The following RPS10 variants were observed in gnomAD, a reference collection of about 807,000 sequenced individuals.
RPS10 encodes ribosomal protein S10.
RPS10 carries 2 observed loss-of-function variants against 22.6 expected under a neutral mutation model. That is an observed-to-expected ratio of 0.09 (90% CI 0.04 to 0.28). The LOEUF (loss-of-function observed/expected upper bound fraction) is 0.28. Ranked by LOEUF, RPS10 falls within the 10% of genes least tolerant of loss-of-function variation. The pLI is 1.00. For synonymous variants in RPS10, 70 were observed against 75.9 expected (o/e 0.92, Z 0.40); for missense variants, 137 against 222.2 (o/e 0.62, Z 2.44).
At chr6:34,425,337 A>T (rs1765918996) in intron 1 of RPS10, 116 bp from the exon 2 acceptor site, 6 of 1,348,904 alleles carry the variant, frequency 4.4e-6, no homozygotes, top group Non-Finnish European at 6.1e-6. Flanking sequence ...TGCTGGTGGG[A>T]AGACTCAACT....
chr6:34,417,887 G>A, intron 5 of RPS10: 1 of 717,970 alleles, frequency 1.4e-6, no homozygotes, highest in Non-Finnish European at 2.6e-6. Context: ...GCAATCGTGT[G>A]CTATGAGGAC....
chr6:34,420,886 T>C (rs941843146), intron 4 of RPS10, among the ~76,000 whole-genome samples: 19 of 151,472 alleles, frequency 1.3e-4, no homozygotes, highest in Non-Finnish European at 2.2e-4. Context: ...CGGTCGCCTG[T>C]AGTCCCAGCT....
At chr6:34,424,599 G>C in intron 3 of RPS10, 70 bp downstream of exon 3, 1 of 1,592,298 alleles carries the variant, frequency 6.3e-7, no homozygotes, top group Non-Finnish European at 8.6e-7. Flanking sequence ...CATCAGCTAA[G>C]AATGCTTTTG....
At chr6:34,423,237 A>G (rs1025267938) in intron 3 of RPS10, among the ~76,000 whole-genome samples, 2 of 152,014 alleles carry the variant, frequency 1.3e-5, no homozygotes, top group African/African-American at 2.4e-5. Flanking sequence ...CATGGCCACA[A>G]TCACAGCTCA....
chr6:34,417,659 G>T, intron 5 of RPS10, 112 bp from the exon 6 acceptor site: 1 of 998,364 alleles, frequency 1.0e-6, no homozygotes, highest in Non-Finnish European at 1.6e-6. Context: ...AATGTAAACA[G>T]CTGGGAGAGA....
chr6:34,425,396 A>C, intron 1 of RPS10, 175 bp from the exon 2 acceptor site: 1 of 744,892 alleles, frequency 1.3e-6, no homozygotes, highest in Non-Finnish European at 2.3e-6. Context: ...CCCACCCCCA[A>C]ACACAATTCA....
At chr6:34,418,305 A>G (rs1233278561) in intron 5 of RPS10, 64 bp downstream of exon 5, 1 of 1,613,096 alleles carries the variant, frequency 6.2e-7, no homozygotes, top group South Asian at 1.1e-5. Flanking sequence ...CACAACTTGC[A>G]GAGCAACCAG....
At chr6:34,424,396 T>C in intron 3 of RPS10, 1 of 461,998 alleles carries the variant, frequency 2.2e-6, no homozygotes, top group Non-Finnish European at 4.0e-6. Context: ...GAAAAGTTAC[T>C]CAATATTCTA....
chr6:34,424,492 G>T, intron 3 of RPS10, 177 bp downstream of exon 3: 1 of 760,312 alleles, frequency 1.3e-6, no homozygotes, highest in South Asian at 1.7e-5. Context: ...TGGATGGCCT[G>T]AAGAACTGAG....
At position 34,425,080 on chromosome 6, in the gene RPS10, C is replaced by T. The variant is rs527970843; in HGVS notation, c.142G>A (p.Ala48Thr). 2 of 1,612,468 alleles carry T rather than the reference C, an allele frequency of 1.2e-6. No homozygotes were observed. Among genetic ancestry groups the T allele is most frequent in the South Asian group, 2.2e-5 (2 of 91,010 alleles). ...CCTCCTCACCCTCCTACCTGCATGGCCTTCATGACATGAAGGTTGGGCACA... is the reference window on the plus strand; with the variant it reads ...CCTCCTCACCCTCCTACCTGCATGGTCTTCATGACATGAAGGTTGGGCACA... ...KNVPNLHVMK[A>T]MQSLKSRGYV... Residue 48 changes from alanine (A) to threonine (T), a missense_variant, in exon 2 of 6, where the codon GCC becomes ACC. Coordinates refer to ENST00000648437, the MANE Select transcript of RPS10 (RefSeq NM_001014.5).
intron 1 of RPS10, chr6:34,425,497 G>C: frequency 2.4e-6 from 1 of 413,052 alleles, no homozygotes; most frequent in Admixed American, 3.5e-5. Flanking sequence ...AAAGGTCAAT[G>C]GGGGGGAGAG....
chr6:34,424,754 G>C lies in RPS10; in HGVS notation c.237C>G (p.Leu79=). 1 of 1,614,128 alleles carries C rather than the reference G, an allele frequency of 6.2e-7. No individual in the cohort carries two copies. The highest frequency in any genetic ancestry group is 8.5e-7 in the Non-Finnish European group (1 of 1,180,024). Residue 79 remains leucine, a synonymous_variant, in exon 3 of 6, where the codon CTC becomes CTG. Transcript: ENST00000648437. The part of the protein sequence containing the change: ...WYLTNEGIQY[L]RDYLHLPPEI... ...CCGGGGGCAGATGAAGGTAATCACG[G>C]AGATACTGGATACCCTCATTGGTAA...
chr6:34,424,992 C>A (rs1468738569), intron 2 of RPS10, 80 bp downstream of exon 2: 1 of 1,608,668 alleles, frequency 6.2e-7, no homozygotes, highest in African/African-American at 1.3e-5. Context: ...AGGGGAAGAT[C>A]CCTCCATCCC....
At position 34,421,757 on chromosome 6, in the gene RPS10, C is replaced by G; in HGVS notation, c.373G>C (p.Asp125His). 1 of 1,613,938 alleles carries G rather than the reference C, an allele frequency of 6.2e-7. No homozygotes were observed. Among genetic ancestry groups the G allele is most frequent in the Non-Finnish European group, 8.5e-7 (1 of 1,179,862 alleles). The change falls in exon 4 of 6, where the codon GAT (aspartate) becomes CAT (histidine). Residue 125 changes from aspartate (D) to histidine (H), a missense_variant. Transcript: ENST00000648437. ...GGCACAGCACTCCGTCTGTAGGTATCTCTGTCAGCTTCCCCTCTTGTGAGT... is the reference window on the plus strand; with the variant it reads ...GGCACAGCACTCCGTCTGTAGGTATGTCTGTCAGCTTCCCCTCTTGTGAGT... The part of the protein sequence containing the change: ...ARLTRGEADR[D>H]TYRRSAVPPG...
chr6:34,424,159 A>AAAAAAAAAAAAAAAAAAAAC (rs1765869138), intron 3 of RPS10: 1 of 150,560 alleles, frequency 6.6e-6, no homozygotes, highest in African/African-American at 2.5e-5. Flanking sequence ...AAAAAAAAAA[A>AAAAAAAAAAAAAAAAAAAAC]AAAAAGCAAC....
At chr6:34,418,183 T>G in intron 5 of RPS10, 186 bp downstream of exon 5, 1 of 1,499,200 alleles carries the variant, frequency 6.7e-7, no homozygotes, top group East Asian at 2.5e-5. Context: ...TTTCAGTAAT[T>G]TATGTATTTA....
At chr6:34,423,554 G>A (rs1303421487) in intron 3 of RPS10, among the ~76,000 whole-genome samples, 2 of 152,104 alleles carry the variant, frequency 1.3e-5, no homozygotes, top group East Asian at 3.9e-4. Context: ...TTTTCTCCCA[G>A]GAGATTCCAA....
At chr6:34,423,624 C>G (rs1369794929) in intron 3 of RPS10, among the ~76,000 whole-genome samples, 1 of 152,146 alleles carries the variant, frequency 6.6e-6, no homozygotes, top group East Asian at 1.9e-4. Context: ...GTGGCTAACG[C>G]CTGTAATCCC....
At chr6:34,424,962 T>G in intron 2 of RPS10, 110 bp downstream of exon 2, 1 of 1,608,876 alleles carries the variant, frequency 6.2e-7, no homozygotes, top group Non-Finnish European at 8.5e-7. Flanking sequence ...ACCTCCCTTT[T>G]TGAACTTGCC....
Sources: allele counts gnomAD v4.1 joint callset (sites outside exome capture counted in the v4.1 genomes callset), GRCh38; gene constraint gnomAD v4.1.1; transcripts MANE v1.5; gene names NCBI Gene and HGNC (gene_info 2026-07-23, HGNC 2026-07-21).